Variants in ZNF385B observed in about 807,000 individuals in gnomAD.
ZNF385B encodes zinc finger protein 385B.
A neutral mutation model predicts 39.2 loss-of-function variants in ZNF385B; 23 were observed. The ratio of observed to expected loss-of-function variants is 0.59; its 90% CI spans 0.42 to 0.83. The LOEUF (loss-of-function observed/expected upper bound fraction) is 0.83, where lower values mean the gene tolerates loss of function less well. ZNF385B is among the 40% of genes least tolerant of loss of function. The probability of loss-of-function intolerance (pLI) is 0.00; values close to 1 mark genes in which losing one functional copy is unlikely to be tolerated. For missense variants in ZNF385B, 552 were observed against 598.9 expected (o/e 0.92, Z 0.82); for synonymous variants, 205 against 222.6 (o/e 0.92, Z 0.70).
intron 4 of ZNF385B, among the ~76,000 whole-genome samples, chr2:179,530,090 T>G (rs544564664): frequency 4.6e-5 from 7 of 152,276 alleles, no homozygotes; most frequent in African/African-American, 1.7e-4. Flanking sequence ...TGAAGAGAGA[T>G]CCATCCCAAA....
At position 179,525,893 on chromosome 2, in the gene ZNF385B, T is replaced by C. The variant is rs193282500; in HGVS notation, c.442-7255A>G. 2.1e-4 allele frequency among the ~76,000 whole-genome samples: 32 copies of C among 152,340 alleles called. 1 individual carries two copies. In the East Asian group the frequency reaches 6.0e-3, roughly 28 times the overall value. On this transcript the variant is annotated intron_variant, in intron 4 of 9. Transcript: ENST00000410066. The stretch of plus-strand genomic sequence containing the variant: ...TAAAGACTCTGACCATATGCTTTTA[T>C]GTTGATGTTTTACTTTTTAAAAATC...
chr2:179,686,260 T>A (rs933824006), intron 3 of ZNF385B, among the ~76,000 whole-genome samples: 1 of 152,190 alleles, frequency 6.6e-6, no homozygotes, highest in African/African-American at 2.4e-5. Flanking sequence ...GGCCTCTATA[T>A]TATAAGCAGC....
intron 3 of ZNF385B, among the ~76,000 whole-genome samples, chr2:179,668,152 T>C (rs1477237640): frequency 6.6e-6 from 1 of 152,246 alleles, no homozygotes; most frequent in Non-Finnish European, 1.5e-5. Flanking sequence ...TTAATATTAA[T>C]GACACCATGA....
chr2:179,819,955 C>T (rs1322706696), intron 1 of ZNF385B, among the ~76,000 whole-genome samples: 1 of 152,078 alleles, frequency 6.6e-6, no homozygotes, highest in East Asian at 1.9e-4. Context: ...GAAATCATAG[C>T]ACATTTTAAA....
At chr2:179,805,123 T>C (rs1246871934) in intron 1 of ZNF385B, among the ~76,000 whole-genome samples, 2 of 152,112 alleles carry the variant, frequency 1.3e-5, no homozygotes, top group African/African-American at 4.8e-5. Flanking sequence ...GAATTCTCAG[T>C]CTTCACTTTC....
At chr2:179,608,830 G>A (rs1379621296) in intron 3 of ZNF385B, among the ~76,000 whole-genome samples, 4 of 148,276 alleles carry the variant, frequency 2.7e-5, no homozygotes, top group Non-Finnish European at 4.4e-5. Context: ...GTAAGTTCCT[G>A]AAGGGCCAAG....
intron 3 of ZNF385B, among the ~76,000 whole-genome samples, chr2:179,607,751 C>A (rs1688935348): frequency 6.6e-6 from 1 of 152,228 alleles, no homozygotes; most frequent in South Asian, 2.1e-4. Context: ...ATAACATTCA[C>A]AATTTTATGG....
intron 3 of ZNF385B, among the ~76,000 whole-genome samples, chr2:179,689,967 C>T (rs1698231827): frequency 1.3e-5 from 2 of 152,096 alleles, no homozygotes; most frequent in South Asian, 2.1e-4. Context: ...CTTCTAGTAA[C>T]GTCAGAGTCT....
intron 1 of ZNF385B, among the ~76,000 whole-genome samples, chr2:179,784,085 A>T (rs1704838732): frequency 6.6e-6 from 1 of 152,196 alleles, no homozygotes; most frequent in South Asian, 2.1e-4. Context: ...ATGCCCATCA[A>T]TGACAGATTG....
intron 3 of ZNF385B, among the ~76,000 whole-genome samples, chr2:179,616,570 G>GT (rs1275632191): frequency 6.7e-6 from 1 of 149,876 alleles, no homozygotes; most frequent in Non-Finnish European, 1.5e-5. Context: ...AATTAGGTTT[G>GT]TTTTTTTCAG....
intron 3 of ZNF385B, among the ~76,000 whole-genome samples, chr2:179,757,248 G>A (rs1559166527): frequency 6.6e-6 from 1 of 152,188 alleles, no homozygotes. Context: ...TGTTTGCCTG[G>A]GTATCAGCAG....
chr2:179,719,960 T>C (rs1444917862), intron 3 of ZNF385B, among the ~76,000 whole-genome samples: 1 of 152,216 alleles, frequency 6.6e-6, no homozygotes, highest in Non-Finnish European at 1.5e-5. Flanking sequence ...CAGATTTTCA[T>C]ATATTCGTAA....
chr2:179,525,798 G>A (rs1379268401), intron 4 of ZNF385B, among the ~76,000 whole-genome samples: 1 of 152,176 alleles, frequency 6.6e-6, no homozygotes, highest in Non-Finnish European at 1.5e-5. Context: ...ACATGTTTAA[G>A]TGATAGCTGT....
chr2:179,673,869 A>G (rs1449666391), intron 3 of ZNF385B, among the ~76,000 whole-genome samples: 1 of 152,248 alleles, frequency 6.6e-6, no homozygotes, highest in Non-Finnish European at 1.5e-5. Context: ...AAAGAACCAC[A>G]TTATTTCATT....
intron 4 of ZNF385B, among the ~76,000 whole-genome samples, chr2:179,542,780 C>A (rs932956363): frequency 6.6e-6 from 1 of 151,856 alleles, no homozygotes; most frequent in East Asian, 1.9e-4. Flanking sequence ...TGACTGGGTA[C>A]CTTTTAGGTA....
At chr2:179,650,067 T>C (rs962566490) in intron 3 of ZNF385B, among the ~76,000 whole-genome samples, 3 of 152,114 alleles carry the variant, frequency 2.0e-5, no homozygotes, top group African/African-American at 7.2e-5. Flanking sequence ...AATAATGACA[T>C]ATGGTTAAAT....
At chr2:179,821,654 A>C (rs1435391652) in intron 1 of ZNF385B, among the ~76,000 whole-genome samples, 1 of 152,094 alleles carries the variant, frequency 6.6e-6, no homozygotes, top group Non-Finnish European at 1.5e-5. Flanking sequence ...CATTTTACCA[A>C]GACGTGCTTT....
At chr2:179,640,246 A>G (rs1393080079) in intron 3 of ZNF385B, among the ~76,000 whole-genome samples, 1 of 152,186 alleles carries the variant, frequency 6.6e-6, no homozygotes, top group Non-Finnish European at 1.5e-5. Context: ...AAATGTGACA[A>G]AACGGCAGGC....
At chr2:179,619,585 C>CA (rs1468429493) in intron 3 of ZNF385B, among the ~76,000 whole-genome samples, 1 of 152,174 alleles carries the variant, frequency 6.6e-6, no homozygotes, top group Non-Finnish European at 1.5e-5. Flanking sequence ...TCTATCACTA[C>CA]AGCTTATTGA....
Sources: gnomAD v4.1 joint callset for allele counts (sites outside exome capture counted in the v4.1 genomes callset) on GRCh38, gnomAD v4.1.1 for gene constraint, MANE v1.5 for transcripts, NCBI Gene and HGNC (gene_info 2026-07-23, HGNC 2026-07-21) for gene names.